Variants in AOPEP observed in about 807,000 individuals in gnomAD.
AOPEP encodes aminopeptidase O.
Under a neutral mutation model 98.1 loss-of-function variants are expected in AOPEP, and 77 were observed. That is an observed-to-expected ratio of 0.78 (90% CI 0.65 to 0.95). The LOEUF (loss-of-function observed/expected upper bound fraction) is 0.95, where lower values mean the gene tolerates loss of function less well. Among genes scored for constraint, AOPEP ranks in the 40% least tolerant of loss-of-function variants. The pLI, the probability that AOPEP is intolerant of heterozygous loss-of-function variation, is 0.00. For missense variants in AOPEP, 1,024 were observed against 1,024.7 expected, an observed-to-expected ratio of 1.00 and a Z score of 0.01; for synonymous variants, 346 against 365.3, an observed-to-expected ratio of 0.95 and a Z score of 0.60.
chr9:95,026,006 G>A (rs755948395), intron 13 of AOPEP, among the ~76,000 whole-genome samples: 12 of 152,248 alleles, frequency 7.9e-5, no homozygotes, highest in South Asian at 6.2e-4. Context: ...CCCTGCATGC[G>A]TCCCTCCCCC....
chr9:94,951,830 T>C (rs1285286076), intron 7 of AOPEP, among the ~76,000 whole-genome samples: 1 of 152,134 alleles, frequency 6.6e-6, no homozygotes, highest in Non-Finnish European at 1.5e-5. Context: ...CCATCACTGC[T>C]CCATCCACCA....
intron 5 of AOPEP, among the ~76,000 whole-genome samples, chr9:94,911,835 C>T (rs941369671): frequency 6.6e-6 from 1 of 152,136 alleles, no homozygotes; most frequent in Non-Finnish European, 1.5e-5. Context: ...GATGGACCTC[C>T]CAGGGTATTT....
intron 5 of AOPEP, among the ~76,000 whole-genome samples, chr9:94,874,570 C>CT (rs540597945): frequency 2.6e-5 from 4 of 152,186 alleles, no homozygotes; most frequent in South Asian, 4.2e-4. Context: ...TATGCGGATG[C>CT]TTTTTTTAAA....
chr9:94,833,396 C>G (rs949719659), intron 5 of AOPEP, among the ~76,000 whole-genome samples: 1 of 151,972 alleles, frequency 6.6e-6, no homozygotes, highest in Admixed American at 6.6e-5. Context: ...TGCCACCACA[C>G]TCAGCTAATT....
At chr9:95,041,446 G>GGGGTGTGT (rs1554813291) in intron 13 of AOPEP, among the ~76,000 whole-genome samples, 14 of 142,012 alleles carry the variant, frequency 9.9e-5, no homozygotes, top group African/African-American at 3.4e-4. Context: ...AGTCCTTGGG[G>GGGGTGTGT]GTGTGTGTGT....
chr9:95,138,460 A>G, the AOPEP span, among the ~76,000 whole-genome samples: 1 of 152,220 alleles, frequency 6.6e-6, no homozygotes, highest in Non-Finnish European at 1.5e-5. Context: ...CTGGGTGTGG[A>G]GAGGGTGCTC....
At chr9:94,944,942 AT>A (rs2057449384) in intron 7 of AOPEP, among the ~76,000 whole-genome samples, 1 of 152,212 alleles carries the variant, frequency 6.6e-6, no homozygotes, top group African/African-American at 2.4e-5. Flanking sequence ...GATGGAAATC[AT>A]TTAATGTTCT....
chr9:94,976,921 C>A (rs2059884076), intron 10 of AOPEP, among the ~76,000 whole-genome samples: 1 of 152,194 alleles, frequency 6.6e-6, no homozygotes, highest in South Asian at 2.1e-4. Context: ...CCTGCCTCAG[C>A]CTCCCAAAGC....
chr9:95,045,165 C>T (rs2065728181), intron 13 of AOPEP, among the ~76,000 whole-genome samples: 1 of 152,246 alleles, frequency 6.6e-6, no homozygotes, highest in South Asian at 2.1e-4. Context: ...TACTCTCCAG[C>T]CAACGGCGCC....
intron 5 of AOPEP, among the ~76,000 whole-genome samples, chr9:94,907,070 G>T (rs897505155): frequency 6.6e-6 from 1 of 152,092 alleles, no homozygotes; most frequent in Non-Finnish European, 1.5e-5. Flanking sequence ...TTTCTCACCC[G>T]AAGGGAACAA....
At chr9:94,962,798 T>C (rs1247186445) in intron 9 of AOPEP, among the ~76,000 whole-genome samples, 7 of 148,916 alleles carry the variant, frequency 4.7e-5, no homozygotes, top group Non-Finnish European at 1.5e-5. Context: ...AGTGGCGTGA[T>C]CTCGGCTCAC....
chr9:94,754,666 C>A (rs941727832), intron 1 of AOPEP, among the ~76,000 whole-genome samples: 1 of 152,150 alleles, frequency 6.6e-6, no homozygotes, highest in Non-Finnish European at 1.5e-5. Flanking sequence ...TATTGAGAAC[C>A]TGCTGTGTTG....
At chr9:94,799,633 C>T (rs1469826175) in intron 4 of AOPEP, among the ~76,000 whole-genome samples, 2 of 151,976 alleles carry the variant, frequency 1.3e-5, no homozygotes, top group Non-Finnish European at 2.9e-5. Flanking sequence ...GAGGCTGAGG[C>T]GGGTGGATCA....
intron 16 of AOPEP, among the ~76,000 whole-genome samples, chr9:95,083,495 CCACA>C (rs1166105648): frequency 1.3e-5 from 2 of 149,070 alleles, no homozygotes; most frequent in African/African-American, 2.5e-5. Flanking sequence ...AGCACACACA[CCACA>C]CAGAGCACCT....
intron 7 of AOPEP, chr9:94,931,600 G>A (rs1172085958): frequency 2.9e-6 from 2 of 690,982 alleles, no homozygotes; most frequent in African/African-American, 3.6e-5. Context: ...GAGACCTTGG[G>A]AAAGAAGTCC....
intron 11 of AOPEP, among the ~76,000 whole-genome samples, chr9:95,001,626 A>G (rs2132590746): frequency 6.6e-6 from 1 of 152,324 alleles, no homozygotes; most frequent in Middle Eastern, 3.4e-3. Flanking sequence ...ACACAATAGA[A>G]AAGTATTTTT....
At chr9:95,105,305 C>T in the AOPEP span, among the ~76,000 whole-genome samples, 1 of 152,170 alleles carries the variant, frequency 6.6e-6, no homozygotes, top group South Asian at 2.1e-4. Flanking sequence ...TCAGGCCCGG[C>T]CTGGACGGGA....
intron 1 of AOPEP, among the ~76,000 whole-genome samples, chr9:94,758,087 G>A (rs1837465160): frequency 6.6e-6 from 1 of 152,194 alleles, no homozygotes; most frequent in African/African-American, 2.4e-5. Flanking sequence ...AGTTCAGTGG[G>A]GGAGGGAGCA....
chr9:94,914,718 C>G (rs1448354444), intron 5 of AOPEP, among the ~76,000 whole-genome samples: 3 of 152,178 alleles, frequency 2.0e-5, no homozygotes, highest in Non-Finnish European at 4.4e-5. Context: ...TAAGCTGATG[C>G]TGTGCAGCCA....
Sources: allele counts gnomAD v4.1 joint callset (sites outside exome capture counted in the v4.1 genomes callset), GRCh38; gene constraint gnomAD v4.1.1; transcripts MANE v1.5; gene names NCBI Gene and HGNC (gene_info 2026-07-23, HGNC 2026-07-21).